CAD: variants seen among roughly 807,000 people sequenced by gnomAD.
CAD encodes the protein carbamoyl-phosphate synthetase 2, aspartate transcarbamylase, and dihydroorotase.
CAD carries 81 observed loss-of-function variants against 237.2 expected under a neutral mutation model. That is an observed-to-expected ratio of 0.34 (90% confidence interval 0.29 to 0.41). CAD has a LOEUF of 0.41. Among genes scored for constraint, CAD ranks in the 10% least tolerant of loss-of-function variants. The pLI is 1.00. For synonymous variants in CAD, 1,196 were observed against 1,162.8 expected, an observed-to-expected ratio of 1.03 and a Z score of -0.58; for missense variants, 2,181 against 2,951.7, an observed-to-expected ratio of 0.74 and a Z score of 6.05.
In CAD at chr2:27,241,338, A is replaced by G. The variant is rs752689622; in HGVS notation, c.5825A>G (p.Asn1942Ser). ...FTKDQMSHLF[N>S]VAHTLRMMVQ... ...CTTTCTTAGATGTCTCACCTGTTCA[A>G]TGTGGCACACACACTGCGTATGATG... The change falls in exon 38 of 44, where the codon AAT becomes AGT. Residue 1942 changes from asparagine to serine, a missense_variant. Transcript: ENST00000264705. This position sits in a 1 kb window ranked among gnomAD's most constrained non-coding sequence, Gnocchi z 4.6. The G allele has an allele frequency of 2.5e-6, 4 of 1,614,154 alleles. No homozygotes were observed. The highest frequency in any genetic ancestry group is 2.5e-6 in the Non-Finnish European group (3 of 1,180,020).
At position 27,222,491 on chromosome 2, in the gene CAD, T is replaced by A. The variant is rs1426251906; in HGVS notation, c.496-28T>A. 6 of 1,610,450 alleles carry A rather than the reference T, an allele frequency of 3.7e-6. No individual in the cohort carries two copies. In the Admixed American group the frequency reaches 6.7e-5, roughly 18 times the overall value. On this transcript the variant is annotated intron_variant, in intron 4 of 43. Coordinates refer to ENST00000264705, the MANE Select transcript of CAD (RefSeq NM_004341.5). The stretch of plus-strand genomic sequence containing the variant: ...ATACCCACTGAGCACAGCTGCCAAC[T>A]GTTGCCCTTTATTCGTCTATTTCTC...
chr2:27,227,238 CT>C (rs1343629065), intron 15 of CAD, among the ~76,000 whole-genome samples: 1 of 151,092 alleles, frequency 6.6e-6, no homozygotes, highest in Admixed American at 6.6e-5. Flanking sequence ...ACTAAATGAC[CT>C]TTTTTTTTAG....
At chr2:27,226,712 G>A in intron 14 of CAD, 63 bp downstream of exon 14, 3 of 1,606,238 alleles carry the variant, frequency 1.9e-6, no homozygotes, top group African/African-American at 2.7e-5. Context: ...AAATATTGAT[G>A]GGACAGGGAA....
In CAD at chr2:27,238,528, T is replaced by G. The variant is rs746913260; in HGVS notation, c.4958T>G (p.Leu1653Arg). ...CTAAGCCATGATGACCTGGAGCGCCTGGGGCCTGGGAAGGGGGAGGTCCGG... is the reference window on the plus strand; with the variant it reads ...CTAAGCCATGATGACCTGGAGCGCCGGGGGCCTGGGAAGGGGGAGGTCCGG... ...LFLSHDDLER[L>R]GPGKGEVRPE... The change falls in exon 31 of 44, where the codon CTG (leucine) becomes CGG (arginine). Residue 1653 changes from leucine (L) to arginine (R), a missense_variant. By Grantham distance (102) the Leu-to-Arg change is moderately radical. Transcript: ENST00000264705. 8.7e-6 allele frequency: 14 copies of G among 1,613,918 alleles called. No homozygotes were observed. The East Asian group carries it at 3.1e-4, about 36-fold the overall frequency.
At chr2:27,225,639 T>C in intron 11 of CAD, 66 bp from the exon 12 acceptor site, 1 of 1,228,908 alleles carries the variant, frequency 8.1e-7, no homozygotes, top group South Asian at 1.2e-5. Context: ...TCTTTTTTTA[T>C]GTGGGACAGG....
At chr2:27,223,097 A>G in intron 6 of CAD, 60 bp downstream of exon 6, 1 of 1,540,928 alleles carries the variant, frequency 6.5e-7, no homozygotes, top group Non-Finnish European at 8.9e-7. Context: ...GGGGTGTCTC[A>G]GGAATGAGAA....
Position 27,231,594 on chromosome 2 carries a change from C to A in CAD, c.2400+14C>A. The A allele has an allele frequency of 1.3e-6, 2 of 1,525,706 alleles. No homozygotes were observed. Among genetic ancestry groups the A allele is most frequent in the Middle Eastern group, 1.7e-4 (1 of 5,810 alleles). 94.5% of individuals were successfully genotyped at this position (1,525,706 alleles called of 1,614,324 possible). A position where few individuals can be genotyped will look rare whatever the true frequency, so the allele number is the denominator to read the frequency against. ...GTCAGCGATATGGTAAGTAGCTCCC[C>A]TCCCCTGGCAATACCCCTAAAATAG... On this transcript the variant is annotated intron_variant, in intron 16 of 43. Coordinates refer to ENST00000264705, the MANE Select transcript of CAD (RefSeq NM_004341.5).
chr2:27,224,923 G>A (rs755618660), intron 10 of CAD, 47 bp downstream of exon 10: 11 of 1,612,570 alleles, frequency 6.8e-6, no homozygotes, highest in East Asian at 4.5e-5. Context: ...GGGCAGGGGG[G>A]CCCAGTGGTC....
At position 27,236,562 on chromosome 2, in the gene CAD, G is replaced by A. The variant is rs780118032; in HGVS notation, c.4314+39G>A. ...ATGTGCTGGGAGGGAGACTGCCAGT[G>A]TTGATGGGAAGAAGAAAGAGGGAGG... On this transcript the variant is annotated intron_variant, in intron 26 of 43. Transcript: ENST00000264705. This position sits in a 1 kb window ranked among gnomAD's most constrained non-coding sequence, Gnocchi z 4.1. 1.2e-6 allele frequency: 2 copies of A among 1,604,954 alleles called. No individual in the cohort carries two copies. The highest frequency in any genetic ancestry group is 3.3e-5 in the Admixed American group (2 of 59,924).
In CAD at chr2:27,232,424, T is replaced by C. The variant is rs1288357921; in HGVS notation, c.2646-24T>C. On this transcript the variant is annotated intron_variant, in intron 17 of 43. Coordinates refer to ENST00000264705, the MANE Select transcript of CAD (RefSeq NM_004341.5). This position sits in a 1 kb window ranked among gnomAD's most constrained non-coding sequence, Gnocchi z 4.1. ...CTGTACCCTACTCTCTGGGCCTGTG[T>C]TTCAGACCCTTTTTCTATTTTAGCA... 5.6e-5 allele frequency: 91 copies of C among 1,613,712 alleles called. No individual in the cohort carries two copies. Among genetic ancestry groups the C allele is most frequent in the Non-Finnish European group, 7.1e-5 (84 of 1,179,912 alleles).
In CAD at chr2:27,237,661, G is replaced by A; in HGVS notation, c.4564-57G>A. The A allele has an allele frequency of 1.9e-6, 3 of 1,583,888 alleles. No individual in the cohort carries two copies. The highest frequency in any genetic ancestry group is 2.6e-6 in the Non-Finnish European group (3 of 1,163,074). ...CTATGGGCCCAGGCCACTGGTGCCA[G>A]GCTAGCCTGTGTGGGCATGGGTGCC... On this transcript the variant is annotated intron_variant, in intron 28 of 43. Coordinates refer to ENST00000264705, the MANE Select transcript of CAD (RefSeq NM_004341.5). This position sits in a 1 kb window ranked among gnomAD's most constrained non-coding sequence, Gnocchi z 4.0.
At chr2:27,219,720 G>A (rs550725740) in intron 2 of CAD, among the ~76,000 whole-genome samples, 19 of 152,216 alleles carry the variant, frequency 1.2e-4, no homozygotes, top group Admixed American at 1.1e-3. Flanking sequence ...CTCCCGAGTA[G>A]CTGGGATTAC....
intron 30 of CAD, 81 bp downstream of exon 30, chr2:27,238,268 G>T: frequency 6.5e-7 from 1 of 1,540,588 alleles, no homozygotes. Flanking sequence ...AGGGGCAGGA[G>T]ACAGCAGGAG....
chr2:27,240,306 T>C lies in CAD; in HGVS notation c.5538T>C (p.Asp1846=), dbSNP rs1206108016. 1.2e-6 allele frequency: 2 copies of C among 1,613,828 alleles called. No individual in the cohort carries two copies. The highest frequency in any genetic ancestry group is 3.3e-5 in the Admixed American group (2 of 59,986). The change falls in exon 35 of 44, where the codon GAT becomes GAC. Residue 1846 remains aspartate, a synonymous_variant. Coordinates refer to ENST00000264705, the MANE Select transcript of CAD (RefSeq NM_004341.5). This position sits in a 1 kb window ranked among gnomAD's most constrained non-coding sequence, Gnocchi z 4.6. ...GCCGTGGCATCCCAGGGCTTCCTGATGGCCGCTTCCATCTGCCGCCCCGAA... is the reference window on the plus strand; with the variant it reads ...GCCGTGGCATCCCAGGGCTTCCTGACGGCCGCTTCCATCTGCCGCCCCGAA... The part of the protein sequence containing the change: ...RPRRGIPGLP[D]GRFHLPPRIH...
chr2:27,235,445 G>C lies in CAD; in HGVS notation c.3969+18G>C, dbSNP rs113852035. 18 of 1,608,158 alleles carry C rather than the reference G, an allele frequency of 1.1e-5. No individual in the cohort carries two copies. Among genetic ancestry groups the C allele is most frequent in the African/African-American group, 9.4e-5 (7 of 74,860 alleles). On this transcript the variant is annotated intron_variant, in intron 24 of 43. Coordinates refer to ENST00000264705, the MANE Select transcript of CAD (RefSeq NM_004341.5). The surrounding 1 kb of genome is among the most constrained non-coding windows in gnomAD (Gnocchi z 5.2). ...GCTATAAGGTATCAGAATCCAGGAG[G>C]GCTTCCCGAGGGCCGTGGCTCCCTG...
Position 27,242,365 on chromosome 2 carries a change from A to C in CAD, c.6160A>C (p.Thr2054Pro). The change falls in exon 40 of 44, where the codon ACC becomes CCC. Residue 2054 changes from threonine (T) to proline (P), a missense_variant. Thr to Pro is a conservative substitution (Grantham distance 38). Coordinates refer to ENST00000264705, the MANE Select transcript of CAD (RefSeq NM_004341.5). This position sits in a 1 kb window ranked among gnomAD's most constrained non-coding sequence, Gnocchi z 6.4. ...TGGGGATGGGGTCGGAGAGCACCCC[A>C]CCCAGGCCCTGCTGGACATCTTCAC... ...NAGDGVGEHP[T>P]QALLDIFTIR... The C allele has an allele frequency of 6.2e-7, 1 of 1,613,834 alleles. No homozygotes were observed. Among genetic ancestry groups the C allele is most frequent in the Non-Finnish European group, 8.5e-7 (1 of 1,179,908 alleles).
Position 27,232,277 on chromosome 2 carries a change from G to GT in CAD, c.2645+54dup. ...CTGGGAAATGTGGGGCAGAACCTTT[G>GT]TATCAGTGAGGGACCCTTGGGAGGG... On this transcript the variant is annotated intron_variant, in intron 17 of 43. Transcript: ENST00000264705. The surrounding 1 kb of genome is among the most constrained non-coding windows in gnomAD (Gnocchi z 4.1). 1 of 1,605,026 alleles carries GT rather than the reference G, an allele frequency of 6.2e-7. No individual in the cohort carries two copies. Among genetic ancestry groups the GT allele is most frequent in the Non-Finnish European group, 8.5e-7 (1 of 1,176,550 alleles).
At chr2:27,234,730 A>G (rs996172194) in intron 23 of CAD, 45 bp downstream of exon 23, 3 of 1,569,972 alleles carry the variant, frequency 1.9e-6, no homozygotes, top group Non-Finnish European at 2.6e-6. Flanking sequence ...AAATAGCGGG[A>G]GAGAGTTCAC....
Position 27,223,671 on chromosome 2 carries a change from A to G in CAD, c.918A>G (p.Ala306=). 6.2e-7 allele frequency: 1 copy of G among 1,614,194 alleles called. No homozygotes were observed. Among genetic ancestry groups the G allele is most frequent in the Non-Finnish European group, 8.5e-7 (1 of 1,180,016 alleles). ...GFAVETDSLP[A]DWAPLFTNAN... ...CTGTGGAGACAGACTCACTGCCAGC[A>G]GACTGGGCTCCTCTCTTCACCAACG... The change falls in exon 7 of 44, where the codon GCA becomes GCG. Residue 306 remains alanine, a synonymous_variant. Coordinates refer to ENST00000264705, the MANE Select transcript of CAD (RefSeq NM_004341.5).
Sources: allele counts gnomAD v4.1 joint callset (sites outside exome capture counted in the v4.1 genomes callset), GRCh38; gene constraint gnomAD v4.1.1; non-coding constraint Gnocchi (gnomAD v3.1); transcripts MANE v1.5; gene names NCBI Gene and HGNC (gene_info 2026-07-23, HGNC 2026-07-21).